UBXN11: variants seen among roughly 807,000 people sequenced by gnomAD.
The protein encoded by UBXN11 is UBX domain-containing protein 11.
UBXN11 carries 47 observed loss-of-function variants against 62.8 expected under a neutral mutation model. The observed-to-expected ratio is 0.75, with a 90% CI of 0.59 to 0.95. The LOEUF (loss-of-function observed/expected upper bound fraction) is 0.95. Among genes scored for constraint, UBXN11 ranks in the 40% least tolerant of loss-of-function variants. The probability of loss-of-function intolerance (pLI) is 0.00; values close to 1 mark genes in which losing one functional copy is unlikely to be tolerated. For missense variants in UBXN11, 638 were observed against 661.7 expected (o/e 0.96, Z 0.39); for synonymous variants, 294 against 267.0 (o/e 1.10, Z -0.99).
At chr1:26,315,912 G>A (rs552301510) in intron 1 of UBXN11, among the ~76,000 whole-genome samples, 20 of 150,296 alleles carry the variant, frequency 1.3e-4, no homozygotes, top group Admixed American at 8.6e-4. Flanking sequence ...CACCCACCTC[G>A]GCCTCCCAAA....
At chr1:26,296,573 G>A (rs940690891) in intron 7 of UBXN11, among the ~76,000 whole-genome samples, 2 of 152,218 alleles carry the variant, frequency 1.3e-5, no homozygotes, top group Non-Finnish European at 2.9e-5. Context: ...CATGGCTGGA[G>A]GGGAGAGTGG....
At chr1:26,297,243 T>C (rs185891553) in intron 6 of UBXN11, among the ~76,000 whole-genome samples, 184 bp downstream of exon 6, 3 of 152,300 alleles carry the variant, frequency 2.0e-5, no homozygotes, top group Admixed American at 1.3e-4. Context: ...TAGGAGGGCA[T>C]GGAGTGACTC....
Position 26,317,954 on chromosome 1 carries a change from C to T in UBXN11, c.-149+93G>A, listed in dbSNP as rs184983227. On this transcript the variant is annotated intron_variant, in intron 1 of 14. Coordinates refer to the UBXN11 transcript ENST00000374217. ...CAAAAGCAGCTAAACCAAAAGAAGC[C>T]TCCAGACAGCCCTGAGATCACCTAA... The T allele has an allele frequency of 2.7e-5, 40 of 1,470,314 alleles. No homozygotes were observed. In the African/African-American group the frequency reaches 4.6e-4, roughly 17 times the overall value. 91.1% of individuals were successfully genotyped at this position (1,470,314 alleles called of 1,614,324 possible). A position where few individuals can be genotyped will look rare whatever the true frequency, so the allele number is the denominator to read the frequency against.
At chr1:26,305,579 A>G (rs1049003052) in intron 1 of UBXN11, among the ~76,000 whole-genome samples, 8 of 152,134 alleles carry the variant, frequency 5.3e-5, no homozygotes, top group African/African-American at 7.2e-5. Context: ...CACATTTCAT[A>G]TAAATGGAAT....
rs1408339861 is a variant in UBXN11, at chr1:26,282,755, G to A, written c.1186C>T (p.Leu396Phe). ...QESPNTPAPP[L>F]SMLRIKSENG... ...TCAGACTTGATGCGCAGCATGGAGA[G>A]CGGGGGTGCCGGCGTGTTGGGTGAC... The change falls in exon 14 of 15, where the codon CTC (leucine) becomes TTC (phenylalanine). Residue 396 changes from leucine to phenylalanine, a missense_variant. Leu to Phe is a conservative substitution (Grantham distance 22). Coordinates refer to ENST00000374222, the MANE Select transcript of UBXN11 (RefSeq NM_001389556.1). 23 of 1,614,076 alleles carry A rather than the reference G, an allele frequency of 1.4e-5. No individual in the cohort carries two copies. The highest frequency in any genetic ancestry group is 6.7e-5 in the Admixed American group (4 of 60,016).
intron 1 of UBXN11, among the ~76,000 whole-genome samples, chr1:26,316,955 G>A (rs79960098): frequency 0.019 from 2,913 of 151,800 alleles, 74 homozygotes; most frequent in African/African-American, 0.065. Context: ...TTGGCTGGGC[G>A]CGGTGGCTCA....
intron 2 of UBXN11, among the ~76,000 whole-genome samples, chr1:26,302,410 A>G (rs1028164415): frequency 7.4e-5 from 11 of 149,384 alleles, no homozygotes; most frequent in Non-Finnish European, 1.5e-4. Context: ...GTGGTATTCC[A>G]GAGAGCAAGA....
At chr1:26,308,265 C>CAAAAAA (rs112792329), upstream of UBXN11, among the ~76,000 whole-genome samples, 3 of 78,388 alleles carry the variant, frequency 3.8e-5, no homozygotes, top group Non-Finnish European at 8.3e-5. Context: ...GAAACTCTGT[C>CAAAAAA]AAAAAAAAAA....
At chr1:26,300,866 C>G (rs1570124767) in intron 4 of UBXN11, 60 bp downstream of exon 4, 1 of 1,612,876 alleles carries the variant, frequency 6.2e-7, no homozygotes, top group East Asian at 2.2e-5. Context: ...TAGGCCTTGC[C>G]CCGTCTCTGG....
At chr1:26,284,973 C>A (rs775096410) in intron 10 of UBXN11, 1 of 1,000,914 alleles carries the variant, frequency 1.0e-6, no homozygotes, top group Non-Finnish European at 1.2e-6. Context: ...GCCCTCAGTG[C>A]GGCACTAACC....
intron 8 of UBXN11, among the ~76,000 whole-genome samples, chr1:26,293,724 C>CAAAA (rs1163207554): frequency 0.099 from 2,656 of 26,930 alleles, 745 homozygotes; most frequent in Middle Eastern, 0.19. Context: ...GACTCCGTCT[C>CAAAA]AAAAAAAAAA....
chr1:26,284,650 C>T (rs2073083799), intron 10 of UBXN11, 168 bp from the exon 11 acceptor site: 1 of 1,381,846 alleles, frequency 7.2e-7, no homozygotes, highest in African/African-American at 1.5e-5. Flanking sequence ...GTACTGCTGT[C>T]ATCTCCCTCA....
intron 4 of UBXN11, 112 bp from the exon 5 acceptor site, chr1:26,298,174 C>T: frequency 9.6e-7 from 1 of 1,040,790 alleles, no homozygotes; most frequent in South Asian, 1.4e-5. Context: ...CTGAGAGCAG[C>T]TCCCACTGGC....
At chr1:26,283,425 G>A (rs186546042) in intron 12 of UBXN11, among the ~76,000 whole-genome samples, 2 of 152,316 alleles carry the variant, frequency 1.3e-5, no homozygotes, top group South Asian at 2.1e-4. Flanking sequence ...TGGACTGGAA[G>A]GAAAAGGTTG....
In UBXN11 at chr1:26,282,454, G is replaced by C. The variant is rs367968435; in HGVS notation, c.1408C>G (p.Arg470Gly). 6.2e-7 allele frequency: 1 copy of C among 1,605,022 alleles called. No individual in the cohort carries two copies. The highest frequency in any genetic ancestry group is 8.5e-7 in the Non-Finnish European group (1 of 1,178,434). The change falls in exon 15 of 15, where the codon CGG becomes GGG. Residue 470 changes from arginine (R) to glycine (G), a missense_variant. Coordinates refer to ENST00000374222, the MANE Select transcript of UBXN11 (RefSeq NM_001389556.1). ...CTGGACTTCGGGGCTCGGCGTGCCCGCAGCAGCAGTGCTGCTTTGGGCACA... is the reference window on the plus strand; with the variant it reads ...CTGGACTTCGGGGCTCGGCGTGCCCCCAGCAGCAGTGCTGCTTTGGGCACA... ...GLVPKAALLL[R>G]ARRAPKSSLK...
chr1:26,308,304 A>G (rs1425713776), upstream of UBXN11, among the ~76,000 whole-genome samples: 1 of 152,120 alleles, frequency 6.6e-6, no homozygotes, highest in Non-Finnish European at 1.5e-5. Context: ...AAAGAAAAAA[A>G]CAGATGAGAA....
At chr1:26,300,876 G>A in intron 4 of UBXN11, 50 bp downstream of exon 4, 1 of 1,613,498 alleles carries the variant, frequency 6.2e-7, no homozygotes, top group Non-Finnish European at 8.5e-7. Flanking sequence ...CCCGTCTCTG[G>A]GGCCCCCTCC....
intron 2 of UBXN11, 50 bp downstream of exon 2, chr1:26,302,763 A>C: frequency 6.3e-7 from 1 of 1,584,952 alleles, no homozygotes; most frequent in Non-Finnish European, 8.6e-7. Context: ...GGAAGGATAG[A>C]AGAGGATACA....
Position 26,312,102 on chromosome 1 carries a change from C to G in UBXN11, c.-148-5398G>C, listed in dbSNP as rs72872967. Among the ~76,000 whole-genome samples the G allele has an allele frequency of 8.5e-3, 1,295 of 152,206 alleles. 16 individuals are homozygous for G. The highest frequency in any genetic ancestry group is 0.03 in the African/African-American group (1,234 of 41,538). On this transcript the variant is annotated intron_variant, in intron 1 of 14. Transcript: ENST00000374217. The stretch of plus-strand genomic sequence containing the variant: ...TCTCCTTCCAATGAGAACATCCTCT[C>G]TTGCCTTTTCCATTTGGGAAAATTC...
Sources: allele counts gnomAD v4.1 joint callset (sites outside exome capture counted in the v4.1 genomes callset), GRCh38; gene constraint gnomAD v4.1.1; transcripts MANE v1.5; gene names NCBI Gene and HGNC (gene_info 2026-07-23, HGNC 2026-07-21).